Variants in LMO7 observed in about 807,000 individuals in gnomAD.
LMO7 encodes the protein LIM domain only protein 7.
In LMO7, 120 loss-of-function variants were observed where a neutral mutation model predicts 206.5. The ratio of observed to expected loss-of-function variants is 0.58; its 90% CI spans 0.50 to 0.68. The LOEUF (loss-of-function observed/expected upper bound fraction) is 0.68. Ranked by LOEUF, LMO7 falls within the 30% of genes least tolerant of loss-of-function variation. The probability of loss-of-function intolerance (pLI) is 0.00; values close to 1 mark genes in which losing one functional copy is unlikely to be tolerated. For missense variants in LMO7, 1,959 were observed against 1,957.9 expected, an observed-to-expected ratio of 1.00 and a Z score of -0.01; for synonymous variants, 706 against 681.5, an observed-to-expected ratio of 1.04 and a Z score of -0.56.
intron 3 of LMO7, among the ~76,000 whole-genome samples, chr13:75,740,766 C>T (rs1471660471): frequency 1.3e-5 from 2 of 152,200 alleles, no homozygotes; most frequent in African/African-American, 4.8e-5. Flanking sequence ...TGACCTCCAT[C>T]ATCAGATGGA....
At chr13:75,837,077 C>T (rs545384491) in intron 19 of LMO7, among the ~76,000 whole-genome samples, 18 of 152,256 alleles carry the variant, frequency 1.2e-4, no homozygotes, top group South Asian at 4.1e-4. Context: ...CCAAAGAAGA[C>T]GAGACCTCTT....
At position 75,636,639 on chromosome 13, in the gene LMO7, TC is replaced by T; in HGVS notation, c.-16del. On this transcript the variant is annotated 5_prime_UTR_variant, in exon 1 of 31. Transcript: ENST00000377534. ...CCTCCACGCATCCCGAGTCTCTCTC[TC>T]CCTCCCTTGTCCTAGCCATGGAAGG... The T allele has an allele frequency of 6.3e-7, 1 of 1,579,776 alleles. No homozygotes were observed. Among genetic ancestry groups the T allele is most frequent in the African/African-American group, 1.3e-5 (1 of 74,462 alleles).
chr13:75,796,828 T>C, intron 6 of LMO7, 79 bp downstream of exon 6: 2 of 875,164 alleles, frequency 2.3e-6, no homozygotes, highest in Non-Finnish European at 3.8e-6. Context: ...TTCTTTTTCT[T>C]CTCCTTCTCC....
chr13:75,647,951 C>CTTTTTTTTTTTTTTTTTTTTTTTT (rs570513211), intron 1 of LMO7, among the ~76,000 whole-genome samples: 8 of 91,126 alleles, frequency 8.8e-5, no homozygotes, highest in East Asian at 3.8e-4. Context: ...TCTTTTCTTT[C>CTTTTTTTTTTTTTTTTTTTTTTTT]TTTTTTTTTT....
intron 10 of LMO7, among the ~76,000 whole-genome samples, chr13:75,808,541 G>A (rs1044043943): frequency 6.6e-6 from 1 of 152,112 alleles, no homozygotes; most frequent in African/African-American, 2.4e-5. Flanking sequence ...TTATAGTTTG[G>A]TTTTATGTGT....
upstream of LMO7, chr13:75,636,031 A>G: frequency 6.6e-6 from 1 of 152,506 alleles, no homozygotes. Flanking sequence ...GGCCCGGGAG[A>G]GGGCAGGGGC....
intron 11 of LMO7, among the ~76,000 whole-genome samples, chr13:75,810,529 AT>A (rs2056232746): frequency 6.6e-6 from 1 of 152,228 alleles, no homozygotes. Flanking sequence ...AAGGCACATT[AT>A]CCGCTTTCCA....
intron 17 of LMO7, 182 bp from the exon 18 acceptor site, chr13:75,835,051 T>G: frequency 3.1e-6 from 2 of 654,332 alleles, no homozygotes; most frequent in Non-Finnish European, 4.5e-6. Context: ...TTGTTTGTCT[T>G]GTATATGTAG....
At chr13:75,629,418 A>G (rs982460666) in intron 2 of LMO7, among the ~76,000 whole-genome samples, 2 of 152,196 alleles carry the variant, frequency 1.3e-5, no homozygotes, top group Admixed American at 1.3e-4. Flanking sequence ...CTATGATTGC[A>G]TAAAGAAGAT....
chr13:75,680,024 C>G (rs915536222), intron 1 of LMO7, among the ~76,000 whole-genome samples: 3 of 152,102 alleles, frequency 2.0e-5, no homozygotes, highest in Non-Finnish European at 2.9e-5. Context: ...AGTATTAAGC[C>G]CAGCATGCGT....
chr13:75,688,051 A>AC (rs2041162535), intron 1 of LMO7, among the ~76,000 whole-genome samples: 1 of 152,126 alleles, frequency 6.6e-6, no homozygotes, highest in South Asian at 2.1e-4. Flanking sequence ...GCCTGCCGCC[A>AC]CGTAAGATGT....
At chr13:75,621,230 G>T (rs1338053457) in exon 1 of LMO7, 2 of 152,280 alleles carry the variant, frequency 1.3e-5, no homozygotes, top group East Asian at 3.9e-4. Context: ...ATTTTCTAAA[G>T]AATTTAAATA....
At chr13:75,784,055 T>G (rs1323437054) in intron 4 of LMO7, among the ~76,000 whole-genome samples, 1 of 152,060 alleles carries the variant, frequency 6.6e-6, no homozygotes, top group Non-Finnish European at 1.5e-5. Flanking sequence ...CCCATGACAT[T>G]TGACAATATC....
chr13:75,737,795 A>AAAAAAAAAAAAAC, intron 3 of LMO7, among the ~76,000 whole-genome samples: 1 of 127,016 alleles, frequency 7.9e-6, no homozygotes, highest in Non-Finnish European at 1.7e-5. Flanking sequence ...AAAAAAAAAA[A>AAAAAAAAAAAAAC]AAAAAACTTT....
intron 1 of LMO7, among the ~76,000 whole-genome samples, chr13:75,638,239 CATGAAT>C (rs1239239172): frequency 3.9e-5 from 6 of 152,140 alleles, no homozygotes; most frequent in African/African-American, 1.4e-4. Context: ...CTTCAGGAAA[CATGAAT>C]AGGAATGATT....
intron 1 of LMO7, among the ~76,000 whole-genome samples, chr13:75,650,260 G>A (rs2037426963): frequency 6.6e-6 from 1 of 152,116 alleles, no homozygotes; most frequent in Non-Finnish European, 1.5e-5. Flanking sequence ...CTCCTGAGTA[G>A]CTGGGACTAC....
At position 75,666,471 on chromosome 13, in the gene LMO7, G is replaced by A. The variant is rs1427102593; in HGVS notation, c.69+29745G>A. Among the ~76,000 whole-genome samples, 3 of 152,280 alleles carry A rather than the reference G, an allele frequency of 2.0e-5. No individual in the cohort carries two copies. In the East Asian group the frequency reaches 5.8e-4, roughly 29 times the overall value. ...TCTCATTTCTGCTCTGTTCTAGAAT[G>A]AGATATTTAGTGTATTTGGTGACCT... On this transcript the variant is annotated intron_variant, in intron 1 of 30. Coordinates refer to ENST00000377534, the MANE Select transcript of LMO7 (RefSeq NM_001306080.2).
chr13:75,840,847 C>A (rs1177739023), intron 22 of LMO7, among the ~76,000 whole-genome samples: 1 of 152,040 alleles, frequency 6.6e-6, no homozygotes, highest in South Asian at 2.1e-4. Context: ...TTGCTAGAGG[C>A]CTTAATGAAT....
intron 4 of LMO7, among the ~76,000 whole-genome samples, chr13:75,776,611 G>A (rs1332817133): frequency 1.3e-5 from 2 of 152,116 alleles, no homozygotes; most frequent in Non-Finnish European, 2.9e-5. Context: ...AATTGACATA[G>A]GTTAGGAGGA....
Sources: allele counts gnomAD v4.1 joint callset (sites outside exome capture counted in the v4.1 genomes callset), GRCh38; gene constraint gnomAD v4.1.1; transcripts MANE v1.5; gene names NCBI Gene and HGNC (gene_info 2026-07-23, HGNC 2026-07-21).